Variants in NRAP observed in about 807,000 individuals in gnomAD.
The protein encoded by NRAP is nebulin-related-anchoring protein.
In NRAP, 189 loss-of-function variants were observed where a neutral mutation model predicts 225.9. The observed-to-expected ratio is 0.84, with a 90% confidence interval of 0.74 to 0.94. NRAP has a LOEUF of 0.94. Among genes scored for constraint, NRAP ranks in the 40% least tolerant of loss-of-function variants. NRAP has a pLI of 0.00. For missense variants in NRAP, 2,176 were observed against 2,168.7 expected (o/e 1.00, Z -0.07); for synonymous variants, 769 against 790.7 (o/e 0.97, Z 0.46).
At position 113,589,219 on chromosome 10, in the gene NRAP, C is replaced by T. The variant is rs1480443914; in HGVS notation, c.5089-140G>A. 3 of 655,004 alleles carry T rather than the reference C, an allele frequency of 4.6e-6. No homozygotes were observed. In the African/African-American group the frequency reaches 5.5e-5, roughly 12 times the overall value. The allele number at this position is 655,004 out of a possible 1,614,324, so 40.6% of individuals were successfully genotyped here. Reference sequence around the variant, plus strand: ...CCCTTTCCTTTTCCCCTCTTCTACCCTCCCCAAGAAAAAGGGCCTTCAAGG... The same window carrying T: ...CCCTTTCCTTTTCCCCTCTTCTACCTTCCCCAAGAAAAAGGGCCTTCAAGG... On this transcript the variant is annotated intron_variant, in intron 41 of 41. Coordinates refer to ENST00000359988, the MANE Select transcript of NRAP (RefSeq NM_198060.4).
intron 3 of NRAP, among the ~76,000 whole-genome samples, chr10:113,661,651 C>T (rs1000622500): frequency 1.3e-5 from 2 of 152,238 alleles, no homozygotes; most frequent in South Asian, 2.1e-4. Context: ...AGAGTTCCGT[C>T]GATAACTGGT....
At chr10:113,592,566 C>T (rs1310905626) in intron 38 of NRAP, among the ~76,000 whole-genome samples, 1 of 151,034 alleles carries the variant, frequency 6.6e-6, no homozygotes, top group African/African-American at 2.4e-5. Context: ...TCATTTGCGA[C>T]ACCCACTTGG....
intron 29 of NRAP, among the ~76,000 whole-genome samples, chr10:113,612,826 G>C (rs17090764): frequency 6.6e-6 from 1 of 151,966 alleles, no homozygotes; most frequent in Non-Finnish European, 1.5e-5. Flanking sequence ...GTTCAGACAC[G>C]AGGGATTCTC....
rs768712263 is a variant in NRAP, at chr10:113,641,424, C to A, written c.1264G>T (p.Gly422Ter). ...AGAGTGCGTCTGTCCATACCAACTC[C>A]TTCATAGCGGCCTCTCATGTGGTTC... ...YQNHMRGRYE[G>*]VGMDRRTLHA... Residue 422 changes from glycine to a stop codon, truncating the protein, a stop_gained, in exon 13 of 42, where the codon GGA becomes TGA. Coordinates refer to ENST00000359988, the MANE Select transcript of NRAP (RefSeq NM_198060.4). LOFTEE classifies it high-confidence loss of function. 2.5e-6 allele frequency: 4 copies of A among 1,613,924 alleles called. No individual in the cohort carries two copies. Among genetic ancestry groups the A allele is most frequent in the Non-Finnish European group, 2.5e-6 (3 of 1,179,920 alleles).
At position 113,620,706 on chromosome 10, in the gene NRAP, G is replaced by T; in HGVS notation, c.2772C>A (p.Asn924Lys). The stretch of plus-strand genomic sequence containing the variant: ...TCCACTTCACATCTGCCCTGTATTG[G>T]TTCTGACAAAGGAGAAAGAAAAAAA... ...AKKAYGLQSD[N>K]QYRADVKWMK... The change falls in exon 25 of 42, where the codon AAC becomes AAA. Residue 924 changes from asparagine to lysine, a missense_variant and splice_region_variant. Physicochemically the swap from Asn to Lys is moderately conservative, Grantham distance 94. This residue lies in a region of NRAP where 1,708 missense variants were observed against 1,695.5 expected (regional missense o/e 1.01). Coordinates refer to ENST00000359988, the MANE Select transcript of NRAP (RefSeq NM_198060.4). 6.3e-7 allele frequency: 1 copy of T among 1,596,124 alleles called. No homozygotes were observed. The highest frequency in any genetic ancestry group is 1.7e-5 in the Admixed American group (1 of 59,534).
At chr10:113,643,808 C>T (rs1849344301) in intron 11 of NRAP, among the ~76,000 whole-genome samples, 1 of 152,074 alleles carries the variant, frequency 6.6e-6, no homozygotes, top group South Asian at 2.1e-4. Context: ...AAGGAAATAC[C>T]CCACAGTTTG....
intron 29 of NRAP, among the ~76,000 whole-genome samples, chr10:113,612,811 C>T (rs72833765): frequency 0.081 from 12,410 of 152,272 alleles, 614 homozygotes; most frequent in Non-Finnish European, 0.1. Flanking sequence ...CCATCGCCCA[C>T]TCAAGTTCAG....
rs376761255 is a variant in NRAP at position 113,614,314 on chromosome 10, G to A, written c.3187-18C>T. ...TATTTGTACTAAAGGGAAAGAGAGCGGGAGAGAGGAACAGCTCAGGGATAA... is the reference window on the plus strand; with the variant it reads ...TATTTGTACTAAAGGGAAAGAGAGCAGGAGAGAGGAACAGCTCAGGGATAA... On this transcript the variant is annotated intron_variant, in intron 28 of 41. Coordinates refer to ENST00000359988, the MANE Select transcript of NRAP (RefSeq NM_198060.4). The A allele has an allele frequency of 2.0e-4, 298 of 1,515,790 alleles. 2 individuals carry two copies. The highest frequency in any genetic ancestry group is 1.6e-3 in the South Asian group (146 of 89,114). 93.9% of individuals were successfully genotyped at this position (1,515,790 alleles called of 1,614,324 possible).
At chr10:113,650,247 T>C in intron 8 of NRAP, 106 bp from the exon 9 acceptor site, 1 of 824,816 alleles carries the variant, frequency 1.2e-6, no homozygotes, top group Non-Finnish European at 2.1e-6. Context: ...TGCTTGGATC[T>C]AGGGAGTAGG....
At chr10:113,647,076 T>A in intron 9 of NRAP, 49 bp from the exon 10 acceptor site, 1 of 1,196,720 alleles carries the variant, frequency 8.4e-7, no homozygotes, top group Non-Finnish European at 1.3e-6. Context: ...CCTCCCCAGA[T>A]GGGTGGGGTT....
chr10:113,625,290 C>T (rs772808395), intron 21 of NRAP, among the ~76,000 whole-genome samples: 2 of 152,160 alleles, frequency 1.3e-5, no homozygotes, highest in Non-Finnish European at 2.9e-5. Context: ...GTACAGACTC[C>T]CCAGGTGGGA....
At chr10:113,642,836 G>T in intron 12 of NRAP, 98 bp downstream of exon 12, 1 of 691,474 alleles carries the variant, frequency 1.4e-6, no homozygotes, top group East Asian at 2.6e-5. Context: ...GCTTCTCCAA[G>T]ACACATAGAT....
intron 38 of NRAP, among the ~76,000 whole-genome samples, chr10:113,593,197 G>A (rs961655511): frequency 2.0e-5 from 3 of 152,132 alleles, no homozygotes; most frequent in African/African-American, 7.2e-5. Context: ...GCCCCAGACC[G>A]TGTCGGTTGC....
chr10:113,648,003 C>T (rs1327988742), intron 9 of NRAP, among the ~76,000 whole-genome samples: 1 of 152,208 alleles, frequency 6.6e-6, no homozygotes, highest in Non-Finnish European at 1.5e-5. Flanking sequence ...ACAGTCTCCT[C>T]GTGGAAGTCC....
In NRAP at chr10:113,621,851, C is replaced by G. The variant is rs753262157; in HGVS notation, c.2769+18G>C. The G allele has an allele frequency of 6.3e-7, 1 of 1,590,968 alleles. No individual in the cohort carries two copies. Among genetic ancestry groups the G allele is most frequent in the Non-Finnish European group, 8.6e-7 (1 of 1,165,806 alleles). On this transcript the variant is annotated intron_variant, in intron 24 of 41. Transcript: ENST00000359988. ...ACACACATACACACACAAGTGCACA[C>G]ACTCACACAGAGCTTACATCACTCT...
At chr10:113,655,501 G>T (rs1850256579) in intron 4 of NRAP, among the ~76,000 whole-genome samples, 1 of 148,506 alleles carries the variant, frequency 6.7e-6, no homozygotes, top group African/African-American at 2.5e-5. Flanking sequence ...TGTCACCTAG[G>T]ATGGAGTGCA....
At chr10:113,652,726 A>G (rs1222762469) in intron 6 of NRAP, among the ~76,000 whole-genome samples, 3 of 152,246 alleles carry the variant, frequency 2.0e-5, no homozygotes, top group African/African-American at 2.4e-5. Flanking sequence ...TGAACTATAC[A>G]TTCTTCTCTG....
intron 21 of NRAP, 64 bp from the exon 22 acceptor site, chr10:113,624,994 C>T (rs569091746): frequency 6.5e-6 from 6 of 919,682 alleles, no homozygotes; most frequent in Middle Eastern, 2.6e-4. Flanking sequence ...GGTGGCATCC[C>T]TCATGGTGTC....
Position 113,589,016 on chromosome 10 carries a change from CAGT to C in NRAP, c.5149_5151del (p.Thr1717del), listed in dbSNP as rs1448820488. The C allele has an allele frequency of 3.1e-6, 5 of 1,614,098 alleles. No individual in the cohort carries two copies. Among genetic ancestry groups the C allele is most frequent in the Non-Finnish European group, 4.2e-6 (5 of 1,179,994 alleles). On this transcript the variant is annotated inframe_deletion, in exon 42 of 42. Transcript: ENST00000359988. ...TTCTTCTTTTTGACGTGCAGAATCT[CAGT>C]GGCATCTGGGTTCACCTCCCCACTC...
Sources: allele counts gnomAD v4.1 joint callset (sites outside exome capture counted in the v4.1 genomes callset), GRCh38; gene constraint gnomAD v4.1.1; regional missense constraint gnomAD v4.1.1; transcripts MANE v1.5; gene names NCBI Gene and HGNC (gene_info 2026-07-23, HGNC 2026-07-21).